The following DAAM1 variants were observed in gnomAD, a reference collection of about 807,000 sequenced individuals.
DAAM1 encodes dishevelled associated activator of morphogenesis 1, also known as disheveled-associated activator of morphogenesis 1.
In DAAM1, 52 loss-of-function variants were observed where a neutral mutation model predicts 130.0. That is an observed-to-expected ratio of 0.40 (90% confidence interval 0.32 to 0.50). The LOEUF is 0.50. DAAM1 is among the 20% of genes least tolerant of loss of function. The probability of loss-of-function intolerance (pLI) is 0.61; values close to 1 mark genes in which losing one functional copy is unlikely to be tolerated. For synonymous variants in DAAM1, 452 were observed against 444.5 expected (o/e 1.02, Z -0.21); for missense variants, 1,134 against 1,303.8 (o/e 0.87, Z 2.01).
Position 59,352,631 on chromosome 14 carries a change from C to T in DAAM1, c.2266C>T (p.Arg756Ter). The change falls in exon 18 of 25, where the codon CGA becomes TGA. Residue 756 changes from arginine to a stop codon, truncating the protein, a stop_gained and splice_region_variant. Transcript: ENST00000360909. LOFTEE classifies it high-confidence loss of function. ...TGATAGGTTCCTTTTTGAGATGAGC[C>T]GGTGAGTTTGAAAATGCTGGGAATG... ...KADRFLFEMS[R>*]INHYQQRLQS... The T allele has an allele frequency of 3.1e-6, 5 of 1,610,722 alleles. No individual in the cohort carries two copies. The highest frequency in any genetic ancestry group is 1.7e-5 in the Admixed American group (1 of 59,602).
In DAAM1 at chr14:59,371,119, AC is replaced by A. The variant is rs1887154951; in HGVS notation, c.*2262del. 1 of 143,780 alleles carries A rather than the reference AC, an allele frequency of 7.0e-6. No individual in the cohort carries two copies. Among genetic ancestry groups the A allele is most frequent in the Non-Finnish European group, 1.5e-5 (1 of 65,224 alleles). The allele number at this position is 143,780 out of a possible 1,614,324, so 8.9% of individuals were successfully genotyped here. On this transcript the variant is annotated 3_prime_UTR_variant, in exon 25 of 25. Coordinates refer to ENST00000360909, the MANE Select transcript of DAAM1 (RefSeq NM_001270520.2). The stretch of plus-strand genomic sequence containing the variant: ...AAGAAAAAAAAAAAACAAAAAAAAA[AC>A]CTACTTTTTAGATTGGTGCTGGTGT...
At chr14:59,233,242 T>A (rs947783180) in intron 1 of DAAM1, among the ~76,000 whole-genome samples, 2 of 152,228 alleles carry the variant, frequency 1.3e-5, no homozygotes, top group Non-Finnish European at 2.9e-5. Flanking sequence ...TGAACTAATT[T>A]ATATTCCCAC....
At chr14:59,210,906 TAAAAG>T (rs1888407540) in intron 1 of DAAM1, among the ~76,000 whole-genome samples, 2 of 152,360 alleles carry the variant, frequency 1.3e-5, no homozygotes, top group African/African-American at 2.4e-5. Flanking sequence ...ATTTATGTGA[TAAAAG>T]AAATGTTATG....
At chr14:59,358,912 C>T (rs1054469551) in intron 20 of DAAM1, among the ~76,000 whole-genome samples, 3 of 152,010 alleles carry the variant, frequency 2.0e-5, no homozygotes, top group Non-Finnish European at 4.4e-5. Context: ...GAATAGCTGC[C>T]CTTTTCGGTG....
At chr14:59,360,066 G>C (rs1157753473) in intron 21 of DAAM1, among the ~76,000 whole-genome samples, 1 of 152,092 alleles carries the variant, frequency 6.6e-6, no homozygotes, top group Non-Finnish European at 1.5e-5. Context: ...AATTTGAAAA[G>C]TATAATGAGC....
intron 1 of DAAM1, among the ~76,000 whole-genome samples, chr14:59,225,503 A>G (rs1343748190): frequency 6.6e-6 from 1 of 152,190 alleles, no homozygotes; most frequent in Non-Finnish European, 1.5e-5. Flanking sequence ...GCAAGTTGGG[A>G]CTTGAGCCTC....
intron 1 of DAAM1, among the ~76,000 whole-genome samples, chr14:59,246,176 C>T (rs1446165140): frequency 3.3e-5 from 5 of 152,064 alleles, no homozygotes; most frequent in African/African-American, 1.2e-4. Flanking sequence ...TTTCATCTTG[C>T]AAAACTGAAA....
At chr14:59,326,408 T>A in intron 10 of DAAM1, 102 bp from the exon 11 acceptor site, 2 of 1,197,082 alleles carry the variant, frequency 1.7e-6, no homozygotes, top group Non-Finnish European at 2.3e-6. Context: ...GTTATAAACA[T>A]CTCTGGTTTG....
intron 12 of DAAM1, among the ~76,000 whole-genome samples, chr14:59,329,683 T>C (rs1885344486): frequency 6.6e-6 from 1 of 152,222 alleles, no homozygotes. Context: ...CCAAAACTCA[T>C]CACTCCTTTC....
chr14:59,355,991 A>G (rs533471961), intron 20 of DAAM1, among the ~76,000 whole-genome samples: 4 of 152,326 alleles, frequency 2.6e-5, no homozygotes, highest in East Asian at 1.9e-4. Flanking sequence ...AAAGTGTTCA[A>G]TGCTGCATTT....
chr14:59,351,348 A>G (rs963564129), intron 17 of DAAM1, among the ~76,000 whole-genome samples: 1 of 152,094 alleles, frequency 6.6e-6, no homozygotes, highest in Non-Finnish European at 1.5e-5. Context: ...GCAATTTTTT[A>G]AAAAAACGTA....
intron 1 of DAAM1, among the ~76,000 whole-genome samples, chr14:59,244,844 T>G (rs542239318): frequency 1.3e-5 from 2 of 152,306 alleles, no homozygotes; most frequent in South Asian, 2.1e-4. Context: ...GGCTTTTACG[T>G]GACACTACCC....
intron 15 of DAAM1, among the ~76,000 whole-genome samples, chr14:59,335,475 AC>A (rs1029592337): frequency 2.6e-5 from 4 of 152,214 alleles, no homozygotes; most frequent in Non-Finnish European, 4.4e-5. Flanking sequence ...CTTTTCAGAT[AC>A]AATTAAACAA....
chr14:59,350,060 C>T (rs1477806179), intron 17 of DAAM1, among the ~76,000 whole-genome samples: 3 of 152,068 alleles, frequency 2.0e-5, no homozygotes, highest in Non-Finnish European at 4.4e-5. Context: ...TGCCTTCCTC[C>T]CTTACTTCCC....
chr14:59,285,929 G>A (rs1430475636), intron 2 of DAAM1, among the ~76,000 whole-genome samples: 1 of 152,100 alleles, frequency 6.6e-6, no homozygotes, highest in East Asian at 1.9e-4. Context: ...GGACCTAATA[G>A]ACATCTACAG....
At chr14:59,237,198 A>G (rs932519305) in intron 1 of DAAM1, among the ~76,000 whole-genome samples, 3 of 152,214 alleles carry the variant, frequency 2.0e-5, no homozygotes, top group Non-Finnish European at 2.9e-5. Context: ...TTTAGTTTTC[A>G]GCCAGGGAAA....
intron 15 of DAAM1, among the ~76,000 whole-genome samples, chr14:59,334,584 G>GA (rs1282133701): frequency 1.5e-4 from 23 of 152,200 alleles, no homozygotes; most frequent in African/African-American, 5.5e-4. Context: ...CATGCAACAG[G>GA]AACCCTGCAC....
Position 59,289,771 on chromosome 14 carries a change from T to TAC in DAAM1, c.184-1445_184-1444insCA, listed in dbSNP as rs1183254024. On this transcript the variant is annotated intron_variant, in intron 2 of 24. Coordinates refer to ENST00000360909, the MANE Select transcript of DAAM1 (RefSeq NM_001270520.2). The stretch of plus-strand genomic sequence containing the variant: ...TGGACTGGATCAACAAAATGTGATA[T>TAC]ATATATATATATAATGGAATGCTAT... Among the ~76,000 whole-genome samples the TAC allele has an allele frequency of 5.0e-4, 27 of 54,038 alleles. 2 individuals are homozygous for TAC. The highest frequency in any genetic ancestry group is 1.2e-3 in the Non-Finnish European group (20 of 16,282). 35.5% of individuals were successfully genotyped at this position (54,038 alleles called of 152,430 possible).
At chr14:59,358,629 G>T (rs1442867891) in intron 20 of DAAM1, among the ~76,000 whole-genome samples, 1 of 152,200 alleles carries the variant, frequency 6.6e-6, no homozygotes, top group East Asian at 1.9e-4. Context: ...GATCACCTGA[G>T]GTCAGGAGTT....
Sources: gnomAD v4.1 joint callset for allele counts (sites outside exome capture counted in the v4.1 genomes callset) on GRCh38, gnomAD v4.1.1 for gene constraint, MANE v1.5 for transcripts, NCBI Gene and HGNC (gene_info 2026-07-23, HGNC 2026-07-21) for gene names.